Variants in COL8A2 observed in about 807,000 individuals in gnomAD.
COL8A2 encodes the protein collagen type VIII alpha 2 chain.
A neutral mutation model predicts 24.0 loss-of-function variants in COL8A2; 16 were observed. The observed-to-expected ratio is 0.67, with a 90% CI of 0.45 to 1.01. The LOEUF (loss-of-function observed/expected upper bound fraction) is 1.01. COL8A2 is among the 50% of genes least tolerant of loss of function. The probability of loss-of-function intolerance (pLI) is 0.00; values close to 1 mark genes in which losing one functional copy is unlikely to be tolerated. For synonymous variants in COL8A2, 466 were observed against 424.5 expected (o/e 1.10, Z -1.20); for missense variants, 818 against 942.4 (o/e 0.87, Z 1.73).
Position 36,102,679 on chromosome 1 carries a change from T to TG in COL8A2, c.-16-2422_-16-2421insC, listed in dbSNP as rs1424832057. ...TATAAAGCTGGTTTTTTGTTTTTTT[T>TG]TTTTTTTTTTGAGATGGAGTCTTGT... On this transcript the variant is annotated intron_variant, in intron 2 of 3. Coordinates refer to ENST00000397799, the MANE Select transcript of COL8A2 (RefSeq NM_005202.4). Among the ~76,000 whole-genome samples, 6 of 138,546 alleles carry TG rather than the reference T, an allele frequency of 4.3e-5. No homozygotes were observed. The East Asian group carries it at 1.2e-3, about 28-fold the overall frequency. 90.9% of individuals were successfully genotyped at this position (138,546 alleles called of 152,430 possible).
rs1304301438 is a variant in COL8A2 at position 36,098,391 on chromosome 1, A to G, written c.1290T>C (p.Gly430=). The change falls in exon 4 of 4, where the codon GGT becomes GGC. Residue 430 remains glycine, a synonymous_variant. Coordinates refer to ENST00000397799, the MANE Select transcript of COL8A2 (RefSeq NM_005202.4). ...PGPTGPKGEP[G]FTGRPGGPGV... is the part of the protein sequence containing the mutation. ...CTGGTCCTCCAGGGCGACCCGTGAAACCCGGCTCACCCTTGGGCCCAGTTG... is the reference window on the plus strand; with the variant it reads ...CTGGTCCTCCAGGGCGACCCGTGAAGCCCGGCTCACCCTTGGGCCCAGTTG... 9 of 1,574,468 alleles carry G rather than the reference A, an allele frequency of 5.7e-6. No homozygotes were observed. Among genetic ancestry groups the G allele is most frequent in the Non-Finnish European group, 6.9e-6 (8 of 1,160,544 alleles).
In COL8A2 at chr1:36,109,573, T is replaced by G. The variant is rs918333921; in HGVS notation, c.-17+6135A>C. 9.9e-5 allele frequency among the ~76,000 whole-genome samples: 13 copies of G among 131,450 alleles called. No individual in the cohort carries two copies. The East Asian group carries it at 2.7e-3, about 27-fold the overall frequency. The allele number at this position is 131,450 out of a possible 152,430, so 86.2% of individuals were successfully genotyped here. ...CTCAGGGGCTGCTCTGCCTATGGAG[T>G]AACCACTCTTTTTTTTTTTTTTTCT... On this transcript the variant is annotated intron_variant, in intron 2 of 3. Transcript: ENST00000397799.
rs558096302 is a variant in COL8A2, at chr1:36,123,896, C to A, written c.-62+1161G>T. Among the ~76,000 whole-genome samples, 3 of 152,252 alleles carry A rather than the reference C, an allele frequency of 2.0e-5. No homozygotes were observed. Among genetic ancestry groups the A allele is most frequent in the African/African-American group, 7.2e-5 (3 of 41,542 alleles). ...CTGTGCCCTGATGGAGACCACCAACCATGGTGTCTCTCCAGAGATCACCAA... is the reference window on the plus strand; with the variant it reads ...CTGTGCCCTGATGGAGACCACCAACAATGGTGTCTCTCCAGAGATCACCAA... On this transcript the variant is annotated intron_variant, in intron 1 of 3. Coordinates refer to ENST00000397799, the MANE Select transcript of COL8A2 (RefSeq NM_005202.4). This position sits in a 1 kb window ranked among gnomAD's most constrained non-coding sequence, Gnocchi z 4.1.
intron 1 of COL8A2, among the ~76,000 whole-genome samples, chr1:36,124,836 G>A (rs1347200373): frequency 2.0e-5 from 3 of 152,084 alleles, no homozygotes; most frequent in Admixed American, 1.3e-4. Context: ...GGGAGGAGGG[G>A]GCTTTACTGG....
Position 36,097,396 on chromosome 1 carries a change from C to T in COL8A2, c.*173G>A. 1 of 638,446 alleles carries T rather than the reference C, an allele frequency of 1.6e-6. No homozygotes were observed. Among genetic ancestry groups the T allele is most frequent in the Non-Finnish European group, 2.7e-6 (1 of 363,780 alleles). 39.5% of individuals were successfully genotyped at this position (638,446 alleles called of 1,614,324 possible). ...GAAAGAAACTCAGGCCAGCCCCTTC[C>T]AGAAACAATCTCAGCCTGCATGCAG... On this transcript the variant is annotated 3_prime_UTR_variant, in exon 4 of 4. Transcript: ENST00000397799.
Position 36,115,824 on chromosome 1 carries a change from G to T in COL8A2, c.-61-72C>A, listed in dbSNP as rs1296856765. 2.3e-6 allele frequency: 2 copies of T among 863,636 alleles called. No individual in the cohort carries two copies. Among genetic ancestry groups the T allele is most frequent in the Non-Finnish European group, 2.8e-6 (2 of 718,946 alleles). The allele number at this position is 863,636 out of a possible 1,614,324, so 53.5% of individuals were successfully genotyped here. On this transcript the variant is annotated intron_variant, in intron 1 of 3. Coordinates refer to ENST00000397799, the MANE Select transcript of COL8A2 (RefSeq NM_005202.4). This position sits in a 1 kb window ranked among gnomAD's most constrained non-coding sequence, Gnocchi z 5.7. ...AGCTTGTAATCCCAGCACTTTGGGA[G>T]GCTAAGGTGGGAAGACTGCTTGAGC...
intron 2 of COL8A2, among the ~76,000 whole-genome samples, chr1:36,103,592 T>C (rs1163428019): frequency 1.3e-5 from 2 of 151,980 alleles, no homozygotes; most frequent in Non-Finnish European, 2.9e-5. Context: ...TGTTTTCTTT[T>C]TTTTGAGACA....
chr1:36,120,386 G>A (rs1364311622), intron 1 of COL8A2, among the ~76,000 whole-genome samples: 2 of 152,164 alleles, frequency 1.3e-5, no homozygotes, highest in Non-Finnish European at 2.9e-5. Context: ...CCAGGAGGTG[G>A]AGGTTGCAGT....
chr1:36,101,783 C>A (rs114151165), intron 2 of COL8A2, among the ~76,000 whole-genome samples: 1 of 152,194 alleles, frequency 6.6e-6, no homozygotes, highest in Non-Finnish European at 1.5e-5. Context: ...GTGGTGTATA[C>A]CTGTAGTCCC....
chr1:36,098,036 C>A lies in COL8A2; in HGVS notation c.1645G>T (p.Gly549Cys). 6.3e-7 allele frequency: 1 copy of A among 1,592,744 alleles called. No individual in the cohort carries two copies. Among genetic ancestry groups the A allele is most frequent in the Non-Finnish European group, 8.5e-7 (1 of 1,174,038 alleles). Residue 549 changes from glycine to cysteine, a missense_variant, in exon 4 of 4, where the codon GGC becomes TGC. Transcript: ENST00000397799. Reference sequence around the variant, plus strand: ...CCCAGCACGGCACCCTCCACACCGCCGTTGGGCAGGTGCAAGCCTGCGATG... The same window carrying A: ...CCCAGCACGGCACCCTCCACACCGCAGTTGGGCAGGTGCAAGCCTGCGATG... ...TGIAGLHLPN[G>C]GVEGAVLGKG... is the part of the protein sequence containing the mutation.
At chr1:36,124,179 G>A (rs901176988) in intron 1 of COL8A2, among the ~76,000 whole-genome samples, 2 of 152,210 alleles carry the variant, frequency 1.3e-5, no homozygotes, top group South Asian at 2.1e-4. Flanking sequence ...TGGTTGCTCC[G>A]GCACCCCTAA....
intron 2 of COL8A2, among the ~76,000 whole-genome samples, chr1:36,114,865 G>A (rs1643871611): frequency 2.5e-5 from 2 of 78,530 alleles, no homozygotes; most frequent in South Asian, 1.1e-3. Context: ...CTTGGTTCTG[G>A]GCTGGAGGGG....
chr1:36,121,725 AAAG>A (rs1456011367), intron 1 of COL8A2, among the ~76,000 whole-genome samples: 3 of 151,356 alleles, frequency 2.0e-5, no homozygotes, highest in African/African-American at 2.4e-5. Context: ...ATTAAAAAAA[AAAG>A]AAAGAAAGAA....
At chr1:36,114,997 T>C (rs1643872439) in intron 2 of COL8A2, among the ~76,000 whole-genome samples, 2 of 151,988 alleles carry the variant, frequency 1.3e-5, no homozygotes, top group African/African-American at 4.8e-5. Flanking sequence ...CCCAGGAAGG[T>C]AAGAACAGCC....
At position 36,097,533 on chromosome 1, in the gene COL8A2, G is replaced by T; in HGVS notation, c.*36C>A. On this transcript the variant is annotated 3_prime_UTR_variant, in exon 4 of 4. Transcript: ENST00000397799. ...TGAAAAGGTCGCTCTACCACTAAAG[G>T]GGAGGAGGCCAGGGCAGCAGGACCC... 2 of 1,502,580 alleles carry T rather than the reference G, an allele frequency of 1.3e-6. No individual in the cohort carries two copies. The highest frequency in any genetic ancestry group is 1.8e-6 in the Non-Finnish European group (2 of 1,095,388). 93.1% of individuals were successfully genotyped at this position (1,502,580 alleles called of 1,614,324 possible).
chr1:36,106,188 C>T (rs1643757648), intron 2 of COL8A2, among the ~76,000 whole-genome samples: 1 of 151,570 alleles, frequency 6.6e-6, no homozygotes, highest in South Asian at 2.1e-4. Context: ...CACTGGAATC[C>T]AGGGGGCAGA....
intron 2 of COL8A2, among the ~76,000 whole-genome samples, chr1:36,114,687 C>G (rs1298710186): frequency 6.6e-6 from 1 of 152,216 alleles, no homozygotes; most frequent in Non-Finnish European, 1.5e-5. Context: ...TCTTCCCCAC[C>G]CACACCTCCC....
chr1:36,106,916 A>G (rs936479542), intron 2 of COL8A2, among the ~76,000 whole-genome samples: 1 of 151,876 alleles, frequency 6.6e-6, no homozygotes. Context: ...CCAGGACTCC[A>G]AAGAGGTGTC....
intron 2 of COL8A2, among the ~76,000 whole-genome samples, chr1:36,102,664 G>GCT (rs1553177881): frequency 3.2e-5 from 3 of 94,780 alleles, no homozygotes; most frequent in African/African-American, 1.3e-4. Flanking sequence ...TATAAAGCTG[G>GCT]TTTTTTGTTT....
Sources: allele counts gnomAD v4.1 joint callset (sites outside exome capture counted in the v4.1 genomes callset), GRCh38; gene constraint gnomAD v4.1.1; non-coding constraint Gnocchi (gnomAD v3.1); transcripts MANE v1.5; gene names NCBI Gene and HGNC (gene_info 2026-07-23, HGNC 2026-07-21).